Variants in DEFB109B observed in about 807,000 individuals in gnomAD.
The protein encoded by DEFB109B is beta-defensin 109B.
At chr8:7,313,690 T>C in intron 1 of DEFB109B, among the ~76,000 whole-genome samples, 1 of 140,748 alleles carries the variant, frequency 7.1e-6, no homozygotes, top group African/African-American at 3.2e-5. Flanking sequence ...TTTGGGGGCT[T>C]TTGGAAAAAA....
chr8:7,312,765 C>CA (rs1467043730), upstream of DEFB109B: 1 of 125,326 alleles, frequency 8.0e-6, no homozygotes, highest in Non-Finnish European at 1.5e-5. Context: ...ATCACAGACT[C>CA]AGAGAGCATC....
exon 1 of DEFB109B, chr8:7,312,879 C>CT (rs1244662496): frequency 7.6e-6 from 1 of 131,246 alleles, no homozygotes; most frequent in East Asian, 2.0e-4. Context: ...TATTCTCCTT[C>CT]TTTTTTCAAT....
At chr8:7,318,757 G>T (rs1410349284) in intron 1 of DEFB109B, 4 of 143,286 alleles carry the variant, frequency 2.8e-5, no homozygotes, top group Non-Finnish European at 1.5e-5. Context: ...ATAGCACAAA[G>T]CCATCAGCTT....
At chr8:7,319,959 AC>A (rs1018372926), downstream of DEFB109B, 2 of 66,370 alleles carry the variant, frequency 3.0e-5, no homozygotes, top group Non-Finnish European at 5.4e-5. Flanking sequence ...TGAAACTGAA[AC>A]AAAATAAAAA....
intron 1 of DEFB109B, chr8:7,318,955 C>G (rs533091718): frequency 1.4e-5 from 2 of 146,110 alleles, no homozygotes; most frequent in East Asian, 3.9e-4. Context: ...GACTAAGACA[C>G]TATTAGCAAT....
chr8:7,319,164 G>A (rs1371771714), intron 1 of DEFB109B: 5 of 122,996 alleles, frequency 4.1e-5, no homozygotes, highest in Admixed American at 2.4e-4. Flanking sequence ...AGATAGTTAT[G>A]TACAAACCAA....
At chr8:7,313,554 G>C (rs1465704213) in intron 1 of DEFB109B, among the ~76,000 whole-genome samples, 1 of 143,532 alleles carries the variant, frequency 7.0e-6, no homozygotes, top group Non-Finnish European at 1.5e-5. Context: ...CTTCAGACAA[G>C]TGAATTAATA....
chr8:7,313,655 A>G lies in DEFB109B; in HGVS notation n.58+752A>G, dbSNP rs1245983222. The stretch of plus-strand genomic sequence containing the variant: ...CATAACTTTCAATACAAAAATGGCT[A>G]AAATTTACTGGGCTAAGCATGCATT... On this transcript the variant is annotated intron_variant and non_coding_transcript_variant, in intron 1 of 1. Coordinates refer to ENST00000382656, the Ensembl canonical transcript of DEFB109B. Among the ~76,000 whole-genome samples, 3 of 144,942 alleles carry G rather than the reference A, an allele frequency of 2.1e-5. 1 individual carries two copies. The highest frequency in any genetic ancestry group is 8.7e-5 in the African/African-American group (3 of 34,676).
intron 1 of DEFB109B, among the ~76,000 whole-genome samples, chr8:7,315,310 G>T (rs1802834759): frequency 7.5e-6 from 1 of 133,400 alleles, no homozygotes; most frequent in Non-Finnish European, 1.5e-5. Flanking sequence ...GAGGTCAGTG[G>T]CTAACACGGT....
Position 7,313,592 on chromosome 8 carries a change from T to A in DEFB109B, n.58+689T>A, listed in dbSNP as rs532585509. On this transcript the variant is annotated intron_variant and non_coding_transcript_variant, in intron 1 of 1. Coordinates refer to ENST00000382656, the Ensembl canonical transcript of DEFB109B. The stretch of plus-strand genomic sequence containing the variant: ...GAGCAAAGACACCAACAAGTGCTGC[T>A]CAAGGTATATTACAGGTAACCACAC... 2.1e-5 allele frequency among the ~76,000 whole-genome samples: 3 copies of A among 144,866 alleles called. No homozygotes were observed. In the East Asian group the frequency reaches 5.8e-4, roughly 28 times the overall value.
chr8:7,315,952 C>A (rs1327616573), intron 1 of DEFB109B, among the ~76,000 whole-genome samples: 1 of 45,858 alleles, frequency 2.2e-5, no homozygotes, highest in East Asian at 6.5e-4. Flanking sequence ...CCCCCCATGT[C>A]AGAAAGTATT....
rs977645546 is a variant in DEFB109B, at chr8:7,316,889, C to G, written n.59-2857C>G. ...AACTCCTGACCTCGTGATCCACCCG[C>G]CTCGGCCTCCCAAAGTGCTGCAATT... On this transcript the variant is annotated intron_variant and non_coding_transcript_variant, in intron 1 of 1. Transcript: ENST00000382656. Among the ~76,000 whole-genome samples the G allele has an allele frequency of 5.3e-4, 68 of 128,196 alleles. 1 individual carries two copies. Among genetic ancestry groups the G allele is most frequent in the Non-Finnish European group, 9.7e-4 (63 of 65,154 alleles). The allele number at this position is 128,196 out of a possible 152,430, so 84.1% of individuals were successfully genotyped here. A position where few individuals can be genotyped will look rare whatever the true frequency, so the allele number is the denominator to read the frequency against.
At chr8:7,315,608 T>C (rs1307686024) in intron 1 of DEFB109B, among the ~76,000 whole-genome samples, 3 of 132,582 alleles carry the variant, frequency 2.3e-5, no homozygotes, top group Non-Finnish European at 4.5e-5. Context: ...GGGCCCCTAC[T>C]GATGCTAAAC....
intron 1 of DEFB109B, among the ~76,000 whole-genome samples, chr8:7,318,121 C>CT (rs1226263880): frequency 0.018 from 1 of 56 alleles, no homozygotes; most frequent in Non-Finnish European, 0.026. Context: ...ATTGCACCAT[C>CT]TTTTTTTATC....
At chr8:7,315,138 C>T (rs1356688821) in intron 1 of DEFB109B, among the ~76,000 whole-genome samples, 2 of 70,598 alleles carry the variant, frequency 2.8e-5, no homozygotes, top group Non-Finnish European at 4.8e-5. Flanking sequence ...CCAGTTCCTA[C>T]ATGCCTGTCC....
In DEFB109B at chr8:7,316,829, G is replaced by A. The variant is rs553650928; in HGVS notation, n.59-2917G>A. Among the ~76,000 whole-genome samples, 21 of 130,686 alleles carry A rather than the reference G, an allele frequency of 1.6e-4. No homozygotes were observed. In the East Asian group the frequency reaches 3.4e-3, roughly 21 times the overall value. 85.7% of individuals were successfully genotyped at this position (130,686 alleles called of 152,430 possible). On this transcript the variant is annotated intron_variant and non_coding_transcript_variant, in intron 1 of 1. Transcript: ENST00000382656. ...TATATATACATTTTTTTTTAGTAGAGACAAGTTTTCACCATCTTGGGCATG... is the reference window on the plus strand; with the variant it reads ...TATATATACATTTTTTTTTAGTAGAAACAAGTTTTCACCATCTTGGGCATG...
chr8:7,312,452 C>A (rs1270284658), upstream of DEFB109B, among the ~76,000 whole-genome samples: 2 of 142,254 alleles, frequency 1.4e-5, no homozygotes, highest in Admixed American at 6.8e-5. Flanking sequence ...TGCAAACTTG[C>A]CAAACTATAT....
chr8:7,317,321 A>G (rs1288509359), intron 1 of DEFB109B, among the ~76,000 whole-genome samples: 1 of 145,964 alleles, frequency 6.9e-6, no homozygotes, highest in Admixed American at 6.6e-5. Flanking sequence ...TAGTACCACC[A>G]TTAGCATTGT....
chr8:7,312,814 G>T (rs1221468531), upstream of DEFB109B: 12 of 119,614 alleles, frequency 1.0e-4, no homozygotes, highest in African/African-American at 5.8e-4. Flanking sequence ...GAGACTCCAG[G>T]CTCAACCCAC....
Sources: gnomAD v4.1 joint callset for allele counts (sites outside exome capture counted in the v4.1 genomes callset) on GRCh38, gnomAD v4.1.1 for gene constraint, MANE v1.5 for transcripts, NCBI Gene and HGNC (gene_info 2026-07-23, HGNC 2026-07-21) for gene names.